Variants in TMEM132D observed in about 807,000 individuals in gnomAD.
TMEM132D encodes mature OL transmembrane protein.
In TMEM132D, 21 loss-of-function variants were observed where a neutral mutation model predicts 62.3. The observed-to-expected ratio is 0.34, with a 90% CI of 0.24 to 0.49. The LOEUF (loss-of-function observed/expected upper bound fraction) is 0.49. TMEM132D is among the 20% of genes least tolerant of loss of function. The pLI, the probability that TMEM132D is intolerant of heterozygous loss-of-function variation, is 0.99. For synonymous variants in TMEM132D, 621 were observed against 575.6 expected (o/e 1.08, Z -1.13); for missense variants, 1,346 against 1,402.8 (o/e 0.96, Z 0.65).
chr12:129,866,449 G>C (rs1274670382), intron 1 of TMEM132D, among the ~76,000 whole-genome samples: 1 of 137,514 alleles, frequency 7.3e-6, no homozygotes, highest in Non-Finnish European at 1.6e-5. Flanking sequence ...GTTGTGCGGT[G>C]GGGGGAGGGG....
intron 2 of TMEM132D, among the ~76,000 whole-genome samples, chr12:129,558,753 G>A (rs1192584543): frequency 1.3e-5 from 2 of 152,174 alleles, no homozygotes; most frequent in Admixed American, 6.5e-5. Flanking sequence ...CTAAGGAGAC[G>A]GGTCCATGGA....
At chr12:129,750,146 T>C (rs1869951394) in intron 1 of TMEM132D, among the ~76,000 whole-genome samples, 3 of 152,134 alleles carry the variant, frequency 2.0e-5, no homozygotes, top group South Asian at 2.1e-4. Context: ...AGTGCAGTGG[T>C]GCGATCTCGG....
intron 1 of TMEM132D, among the ~76,000 whole-genome samples, chr12:129,719,372 A>G (rs967413618): frequency 6.6e-6 from 1 of 152,234 alleles, no homozygotes; most frequent in Non-Finnish European, 1.5e-5. Flanking sequence ...ATATAAAAAT[A>G]CATTTCCTTG....
chr12:129,267,877 C>T (rs1189071033), intron 4 of TMEM132D, among the ~76,000 whole-genome samples: 3 of 152,260 alleles, frequency 2.0e-5, no homozygotes, highest in East Asian at 3.9e-4. Context: ...AGAAATAATG[C>T]TGCATATCTA....
In TMEM132D at chr12:129,572,770, GGGGGTGCACTAACCCCAGTACCTCTGCTT is replaced by G. The variant is rs543220982; in HGVS notation, c.969-41594_969-41566del. On this transcript the variant is annotated intron_variant, in intron 2 of 8. Transcript: ENST00000422113. ...GGCCCAGAGGGTCTGTTTGTAAACT[GGGGGTGCACTAACCCCAGTACCTCTGCTT>G]GGAAATAATTACTCCTTAGATTCTT... Among the ~76,000 whole-genome samples, 271 of 152,090 alleles carry G rather than the reference GGGGGTGCACTAACCCCAGTACCTCTGCTT, an allele frequency of 1.8e-3. 1 individual carries two copies. Among genetic ancestry groups the G allele is most frequent in the African/African-American group, 6.2e-3 (257 of 41,488 alleles).
At chr12:129,723,735 C>A (rs1232190191) in intron 1 of TMEM132D, among the ~76,000 whole-genome samples, 1 of 152,228 alleles carries the variant, frequency 6.6e-6, no homozygotes, top group Non-Finnish European at 1.5e-5. Flanking sequence ...ATCCTGTCAA[C>A]ATCTCGTCTC....
intron 3 of TMEM132D, among the ~76,000 whole-genome samples, chr12:129,386,906 G>GCCAACA (rs199903596): frequency 0.015 from 2,220 of 146,158 alleles, 65 homozygotes; most frequent in African/African-American, 0.053. Context: ...AAAACTATAT[G>GCCAACA]CCAACACCAA....
intron 2 of TMEM132D, among the ~76,000 whole-genome samples, chr12:129,548,903 G>A (rs1876813518): frequency 6.6e-6 from 1 of 152,230 alleles, no homozygotes; most frequent in Non-Finnish European, 1.5e-5. Context: ...CCAAAGACTG[G>A]ATATTTCCTT....
intron 4 of TMEM132D, among the ~76,000 whole-genome samples, chr12:129,311,052 G>T (rs1315202400): frequency 1.0e-5 from 1 of 98,914 alleles, no homozygotes; most frequent in Admixed American, 1.2e-4. Context: ...CAAAAAATTA[G>T]CCGGGCGTGG....
intron 3 of TMEM132D, among the ~76,000 whole-genome samples, chr12:129,360,280 T>A (rs772357982): frequency 1.3e-5 from 2 of 152,170 alleles, no homozygotes; most frequent in Non-Finnish European, 2.9e-5. Context: ...ACTTGCTTCA[T>A]GTCTAAGATC....
At chr12:129,493,159 CTCTTAA>C (rs1874852469) in intron 3 of TMEM132D, among the ~76,000 whole-genome samples, 1 of 152,170 alleles carries the variant, frequency 6.6e-6, no homozygotes, top group South Asian at 2.1e-4. Context: ...TCATGTCTCT[CTCTTAA>C]TCTTAAGATT....
At position 129,708,946 on chromosome 12, in the gene TMEM132D, G is replaced by C. The variant is rs566189406; in HGVS notation, c.80-8248C>G. ...TGTCCTAACCATGCAGATTAGACAG[G>C]GAACGACTGTATCAGAACTTTCCAG... On this transcript the variant is annotated intron_variant, in intron 1 of 8. Transcript: ENST00000422113. 2.0e-5 allele frequency among the ~76,000 whole-genome samples: 3 copies of C among 152,214 alleles called. No individual in the cohort carries two copies. The South Asian group carries it at 6.2e-4, about 32-fold the overall frequency.
intron 5 of TMEM132D, among the ~76,000 whole-genome samples, chr12:129,199,075 T>TCTCATTGC (rs1261316522): frequency 6.6e-6 from 1 of 151,526 alleles, no homozygotes; most frequent in Non-Finnish European, 1.5e-5. Context: ...CAATTTCTAT[T>TCTCATTGC]CTCATTGCTA....
At chr12:129,732,700 G>A (rs969153491) in intron 1 of TMEM132D, among the ~76,000 whole-genome samples, 34 of 152,304 alleles carry the variant, frequency 2.2e-4, no homozygotes, top group African/African-American at 7.2e-4. Flanking sequence ...GCAGAACCAT[G>A]AGCCAATTAA....
intron 5 of TMEM132D, among the ~76,000 whole-genome samples, chr12:129,148,166 T>A (rs1876967567): frequency 6.6e-6 from 1 of 152,170 alleles, no homozygotes; most frequent in Non-Finnish European, 1.5e-5. Context: ...TTTTTTCTCT[T>A]TGTATCCATG....
In TMEM132D at chr12:129,163,453, C is replaced by T. The variant is rs150865323; in HGVS notation, c.1443+46067G>A. On this transcript the variant is annotated intron_variant, in intron 5 of 8. Coordinates refer to ENST00000422113, the MANE Select transcript of TMEM132D (RefSeq NM_133448.3). Reference sequence around the variant, plus strand: ...CTTCTATGGGTCGAATCACCAGATCCTCTCTTCCCACTAGATCTGGGGTTG... The same window carrying T: ...CTTCTATGGGTCGAATCACCAGATCTTCTCTTCCCACTAGATCTGGGGTTG... Among the ~76,000 whole-genome samples, 452 of 152,284 alleles carry T rather than the reference C, an allele frequency of 3.0e-3. 5 individuals are homozygous for T. The highest frequency in any genetic ancestry group is 0.01 in the African/African-American group (435 of 41,566).
chr12:129,691,520 T>G (rs758000646), intron 2 of TMEM132D, among the ~76,000 whole-genome samples: 17 of 152,006 alleles, frequency 1.1e-4, no homozygotes, highest in Non-Finnish European at 2.2e-4. Flanking sequence ...CTATATAAAT[T>G]AAAAGGTAAG....
In TMEM132D at chr12:129,755,054, C is replaced by T. The variant is rs180748509; in HGVS notation, c.80-54356G>A. The stretch of plus-strand genomic sequence containing the variant: ...TTTCAATGTTATTGTTTCTTAGGCT[C>T]CCCCAAGGATTATTTCATTATCTAG... On this transcript the variant is annotated intron_variant, in intron 1 of 8. Coordinates refer to ENST00000422113, the MANE Select transcript of TMEM132D (RefSeq NM_133448.3). Among the ~76,000 whole-genome samples the T allele has an allele frequency of 3.4e-3, 523 of 152,268 alleles. 2 individuals carry two copies. Among genetic ancestry groups the T allele is most frequent in the Non-Finnish European group, 5.6e-3 (383 of 68,016 alleles).
At chr12:129,725,223 T>A (rs1255340067) in intron 1 of TMEM132D, among the ~76,000 whole-genome samples, 1 of 152,204 alleles carries the variant, frequency 6.6e-6, no homozygotes, top group Non-Finnish European at 1.5e-5. Context: ...TTTAATAAGC[T>A]CATTGCAGTT....
Sources: gnomAD v4.1 joint callset for allele counts (sites outside exome capture counted in the v4.1 genomes callset) on GRCh38, gnomAD v4.1.1 for gene constraint, MANE v1.5 for transcripts, NCBI Gene and HGNC (gene_info 2026-07-23, HGNC 2026-07-21) for gene names.